UBA1: variants seen among roughly 807,000 people sequenced by gnomAD.
UBA1 encodes the protein ubiquitin-like modifier-activating enzyme 1.
In UBA1, 4 loss-of-function variants were observed where a neutral mutation model predicts 84.7. The ratio of observed to expected loss-of-function variants is 0.05; its 90% CI spans 0.02 to 0.11. UBA1 has a LOEUF of 0.11. Among genes scored for constraint, UBA1 ranks in the 10% least tolerant of loss-of-function variants. The probability of loss-of-function intolerance (pLI) is 1.00; values close to 1 mark genes in which losing one functional copy is unlikely to be tolerated. For missense variants in UBA1, 513 were observed against 902.8 expected, an observed-to-expected ratio of 0.57 and a Z score of 5.53; for synonymous variants, 364 against 362.6, an observed-to-expected ratio of 1.00 and a Z score of -0.04.
chrX:47,207,519 G>T (rs1243329176), intron 16 of UBA1, among the ~76,000 whole-genome samples: 2 of 112,172 alleles, frequency 1.8e-5, no homozygotes, highest in Non-Finnish European at 3.8e-5. Flanking sequence ...TGATCTAGCT[G>T]AAGTTTTACA....
chrX:47,210,192 C>T (rs900109534), intron 18 of UBA1, 69 bp downstream of exon 18: 14 of 1,134,565 alleles, frequency 1.2e-5, no homozygotes, highest in Middle Eastern at 5.1e-4. Context: ...CAGTGTGGGT[C>T]CTCCCACTGT....
intron 16 of UBA1, chrX:47,206,780 C>T: frequency 3.3e-6 from 1 of 301,669 alleles, no homozygotes; most frequent in Non-Finnish European, 6.0e-6. Flanking sequence ...CTTCTTTGTG[C>T]TTAAATGTGT....
intron 1 of UBA1, among the ~76,000 whole-genome samples, chrX:47,195,542 C>T (rs1020414677): frequency 9.0e-6 from 1 of 111,650 alleles, no homozygotes; most frequent in African/African-American, 3.3e-5. Flanking sequence ...TGAGCCACCG[C>T]GCCTGGCCAT....
At chrX:47,203,095 G>A (rs1360855010) in intron 12 of UBA1, 39 bp from the exon 13 acceptor site, 1 of 1,205,108 alleles carries the variant, frequency 8.3e-7, no homozygotes, top group Non-Finnish European at 1.1e-6. Context: ...GACATTTCTG[G>A]GGAGGCCTCT....
At chrX:47,210,526 G>C (rs1936873073) in intron 18 of UBA1, among the ~76,000 whole-genome samples, 1 of 111,906 alleles carries the variant, frequency 8.9e-6, no homozygotes, top group South Asian at 3.7e-4. Context: ...CTCATGGGGG[G>C]TTTGGGGAGG....
In UBA1 at chrX:47,212,409, CCTTT is replaced by C; in HGVS notation, c.2465-11_2465-8del. On this transcript the variant is annotated splice_polypyrimidine_tract_variant and intron_variant, in intron 20 of 25. Coordinates refer to ENST00000335972, the MANE Select transcript of UBA1 (RefSeq NM_003334.4). ...TGGGATCTAAAGGGCTGACAGTGTC[CCTTT>C]CTTCATGCAGATGACAGTCGTCTAG... 1 of 1,176,953 alleles carries C rather than the reference CCTTT, an allele frequency of 8.5e-7. No individual in the cohort carries two copies. The highest frequency in any genetic ancestry group is 1.2e-6 in the Non-Finnish European group (1 of 864,243).
In UBA1 at chrX:47,203,010, A is replaced by C; in HGVS notation, c.1301A>C (p.Glu434Ala). Residue 434 changes from glutamate to alanine, a missense_variant, in exon 12 of 26, where the codon GAG becomes GCG. Transcript: ENST00000335972. ...LYFDALECLP[E>A]DKEVLTEDKC... The stretch of plus-strand genomic sequence containing the variant: ...TTTGATGCCCTTGAGTGTCTCCCTG[A>C]GGACAAAGAGGTCCTCACAGAGGAC... 1 of 1,211,437 alleles carries C rather than the reference A, an allele frequency of 8.3e-7. No homozygotes were observed. Among genetic ancestry groups the C allele is most frequent in the Middle Eastern group, 2.3e-4 (1 of 4,352 alleles).
At chrX:47,204,809 A>G (rs1425743854) in intron 14 of UBA1, 1 of 111,857 alleles carries the variant, frequency 8.9e-6, no homozygotes, top group Non-Finnish European at 1.9e-5. Flanking sequence ...TGTAAGGAGC[A>G]GTGTCGTTTT....
In UBA1 at chrX:47,199,589, T is replaced by C; in HGVS notation, c.455T>C (p.Val152Ala). ...VPVTAYTGPLVEDFLSGFQVV... is the reference protein window; with the variant it reads ...VPVTAYTGPLAEDFLSGFQVV... The stretch of plus-strand genomic sequence containing the variant: ...GTCACTGCCTACACTGGACCCCTCG[T>C]TGAGGACTTCCTTAGTGGTTTCCAG... Residue 152 changes from valine to alanine, a missense_variant, in exon 5 of 26, where the codon GTT becomes GCT. Val to Ala is a moderately conservative substitution (Grantham distance 64). Coordinates refer to ENST00000335972, the MANE Select transcript of UBA1 (RefSeq NM_003334.4). The C allele has an allele frequency of 8.3e-7, 1 of 1,211,628 alleles. No individual in the cohort carries two copies. The highest frequency in any genetic ancestry group is 1.1e-6 in the Non-Finnish European group (1 of 895,407).
chrX:47,198,046 GTGTT>G, intron 1 of UBA1: 1 of 898,232 alleles, frequency 1.1e-6, no homozygotes, highest in Non-Finnish European at 1.4e-6. Context: ...GGCTTGGGAT[GTGTT>G]TGTTTTCTAT....
In UBA1 at chrX:47,202,650, G is replaced by C; in HGVS notation, c.1069G>C (p.Glu357Gln). The C allele has an allele frequency of 8.2e-7, 1 of 1,212,401 alleles. No individual in the cohort carries two copies. Among genetic ancestry groups the C allele is most frequent in the Non-Finnish European group, 1.1e-6 (1 of 895,621 alleles). The part of the protein sequence containing the change: ...PRPRNEEDAA[E>Q]LVALAQAVNA... The stretch of plus-strand genomic sequence containing the variant: ...TCTGGCCCACCAGGAGGATGCAGCA[G>C]AACTGGTAGCCTTAGCACAGGCTGT... The change falls in exon 11 of 26, where the codon GAA (glutamate) becomes CAA (glutamine). Residue 357 changes from glutamate (E) to glutamine (Q), a missense_variant. Glu to Gln is a conservative substitution (Grantham distance 29). Around this residue, in one of 6 missense-constraint regions of UBA1, gnomAD observed 227 missense variants for 339.1 expected, o/e 0.67. Coordinates refer to ENST00000335972, the MANE Select transcript of UBA1 (RefSeq NM_003334.4).
chrX:47,208,340 T>C lies in UBA1; in HGVS notation c.1939-1283T>C, dbSNP rs782725356. On this transcript the variant is annotated intron_variant, in intron 16 of 25. Transcript: ENST00000335972. ...GTGTGTGTACGTGTGTGTGTGTGTG[T>C]GTGCGCACGCACGCGTGCCCGTTAC... Among the ~76,000 whole-genome samples the C allele has an allele frequency of 7.2e-5, 8 of 110,597 alleles. 1 individual carries two copies. The East Asian group carries it at 2.0e-3, about 28-fold the overall frequency.
At chrX:47,213,728 G>A (rs147103258) in intron 23 of UBA1, among the ~76,000 whole-genome samples, 7 of 111,328 alleles carry the variant, frequency 6.3e-5, no homozygotes, top group African/African-American at 1.3e-4. Flanking sequence ...TTAGCCAGGC[G>A]TAGTGGTAGG....
intron 23 of UBA1, 122 bp downstream of exon 23, chrX:47,213,303 A>ATC: frequency 2.8e-6 from 2 of 720,235 alleles, no homozygotes; most frequent in South Asian, 5.6e-5. Flanking sequence ...CTTTTTGTGT[A>ATC]TCCTTTTTCA....
intron 8 of UBA1, 108 bp downstream of exon 8, chrX:47,201,718 G>A: frequency 1.1e-6 from 1 of 943,769 alleles, no homozygotes; most frequent in Non-Finnish European, 1.5e-6. Flanking sequence ...GAGTTGGGAA[G>A]ACACATCCTG....
chrX:47,209,521 C>T (rs782553629), intron 16 of UBA1, 102 bp from the exon 17 acceptor site: 1 of 760,471 alleles, frequency 1.3e-6, no homozygotes, highest in East Asian at 3.2e-5. Context: ...AGTAGCTGTG[C>T]GCCTTGTACT....
intron 13 of UBA1, 134 bp from the exon 14 acceptor site, chrX:47,203,407 T>TA (rs1936499227): frequency 1.1e-6 from 1 of 892,031 alleles, no homozygotes; most frequent in Non-Finnish European, 1.6e-6. Context: ...TGTCATTTCT[T>TA]AGAGTCCTGC....
At chrX:47,211,447 A>G (rs1936911641) in intron 20 of UBA1, among the ~76,000 whole-genome samples, 1 of 111,518 alleles carries the variant, frequency 9.0e-6, no homozygotes, top group South Asian at 3.7e-4. Flanking sequence ...CCTCAGGAGA[A>G]CTTGCTGTTT....
At chrX:47,209,543 CTGA>C (rs782268530) in intron 16 of UBA1, 77 bp from the exon 17 acceptor site, 8 of 942,221 alleles carry the variant, frequency 8.5e-6, no homozygotes, top group Non-Finnish European at 1.2e-5. Context: ...GCTTTATTCA[CTGA>C]TGGTCCTTCT....
Sources: gnomAD v4.1 joint callset for allele counts (sites outside exome capture counted in the v4.1 genomes callset) on GRCh38, gnomAD v4.1.1 for gene constraint, gnomAD v4.1.1 regional missense constraint, MANE v1.5 for transcripts, NCBI Gene and HGNC (gene_info 2026-07-23, HGNC 2026-07-21) for gene names.